The following STRN variants were observed in gnomAD, a reference collection of about 807,000 sequenced individuals.
The protein encoded by STRN is striatin.
A neutral mutation model predicts 96.3 loss-of-function variants in STRN; 53 were observed. The observed-to-expected ratio is 0.55, with a 90% CI of 0.44 to 0.69. The LOEUF (loss-of-function observed/expected upper bound fraction) is 0.69. Among genes scored for constraint, STRN ranks in the 30% least tolerant of loss-of-function variants. The probability of loss-of-function intolerance (pLI) is 0.00; values close to 1 mark genes in which losing one functional copy is unlikely to be tolerated. For missense variants in STRN, 987 were observed against 963.9 expected, an observed-to-expected ratio of 1.02 and a Z score of -0.32; for synonymous variants, 428 against 355.9, an observed-to-expected ratio of 1.20 and a Z score of -2.28.
At chr2:36,943,500 G>C (rs1030097531) in intron 1 of STRN, among the ~76,000 whole-genome samples, 3 of 151,920 alleles carry the variant, frequency 2.0e-5, no homozygotes, top group African/African-American at 7.2e-5. Context: ...CACAAAAACA[G>C]AAGACATAAA....
intron 3 of STRN, among the ~76,000 whole-genome samples, chr2:36,910,095 C>A (rs1414725733): frequency 4.0e-5 from 6 of 151,560 alleles, no homozygotes; most frequent in Non-Finnish European, 8.8e-5. Flanking sequence ...ATCGCTTGAA[C>A]CTGGGAGGCG....
At chr2:36,953,009 T>C (rs921567968) in intron 1 of STRN, among the ~76,000 whole-genome samples, 1 of 152,236 alleles carries the variant, frequency 6.6e-6, no homozygotes. Flanking sequence ...GGCATCACCG[T>C]TGTGGAATTT....
intron 1 of STRN, among the ~76,000 whole-genome samples, chr2:36,953,796 A>G (rs1184167101): frequency 6.6e-6 from 1 of 152,208 alleles, no homozygotes; most frequent in Non-Finnish European, 1.5e-5. Flanking sequence ...CACAGTTAAC[A>G]TATTATTCTG....
intron 2 of STRN, among the ~76,000 whole-genome samples, chr2:36,919,498 C>A (rs1443352255): frequency 6.6e-6 from 1 of 151,568 alleles, no homozygotes; most frequent in African/African-American, 2.4e-5. Context: ...AAAACACACA[C>A]AGTGGGTCAA....
chr2:36,899,503 G>A lies in STRN; in HGVS notation c.795+20C>T, dbSNP rs941209265. ...TATAGTCCCTAAAAATATTTATATTGTATGAGTTATCTAACTCACTGTTGA... is the reference window on the plus strand; with the variant it reads ...TATAGTCCCTAAAAATATTTATATTATATGAGTTATCTAACTCACTGTTGA... On this transcript the variant is annotated intron_variant, in intron 6 of 17. Transcript: ENST00000263918. 1 of 1,599,460 alleles carries A rather than the reference G, an allele frequency of 6.3e-7. No homozygotes were observed. The highest frequency in any genetic ancestry group is 2.2e-5 in the East Asian group (1 of 44,692).
At chr2:36,933,737 T>C (rs1277326535) in intron 1 of STRN, among the ~76,000 whole-genome samples, 1 of 152,150 alleles carries the variant, frequency 6.6e-6, no homozygotes, top group East Asian at 1.9e-4. Context: ...CTCGAGGAGC[T>C]GGGCCCACAG....
chr2:36,894,776 G>C (rs1000525813), intron 6 of STRN, among the ~76,000 whole-genome samples: 4 of 152,290 alleles, frequency 2.6e-5, no homozygotes, highest in African/African-American at 4.8e-5. Context: ...AATTATAAAA[G>C]TTTTACAGAC....
chr2:36,957,750 T>TTTG (rs1664928342), intron 1 of STRN, among the ~76,000 whole-genome samples: 1 of 77,668 alleles, frequency 1.3e-5, no homozygotes, highest in Non-Finnish European at 2.5e-5. Context: ...TTGTCTTTTT[T>TTTG]TTTTTTTTTT....
Position 36,844,074 on chromosome 2 carries a change from A to T in STRN, c.*5382T>A, listed in dbSNP as rs539446633. 3 of 152,264 alleles carry T rather than the reference A, an allele frequency of 2.0e-5. No individual in the cohort carries two copies. The highest frequency in any genetic ancestry group is 7.2e-5 in the African/African-American group (3 of 41,566). The allele number at this position is 152,264 out of a possible 1,614,324, so 9.4% of individuals were successfully genotyped here. ...TTGATGACACCCTGTGGTCAGCTCT[A>T]GTCAACTGAACTTGAGAAAACATAA... On this transcript the variant is annotated 3_prime_UTR_variant, in exon 18 of 18. Coordinates refer to ENST00000263918, the MANE Select transcript of STRN (RefSeq NM_003162.4).
intron 6 of STRN, among the ~76,000 whole-genome samples, chr2:36,897,445 A>ATTT (rs70946961): frequency 2.5e-4 from 37 of 149,790 alleles, no homozygotes; most frequent in East Asian, 3.9e-4. Context: ...ATATATATAT[A>ATTT]TTTTTTTTTT....
chr2:36,856,976 T>C (rs1192859844), intron 14 of STRN, among the ~76,000 whole-genome samples: 4 of 152,104 alleles, frequency 2.6e-5, no homozygotes, highest in Admixed American at 6.5e-5. Flanking sequence ...AAAGAAAAGT[T>C]GCTATGCTTC....
intron 7 of STRN, among the ~76,000 whole-genome samples, chr2:36,887,783 A>C (rs929769145): frequency 1.3e-5 from 2 of 152,252 alleles, no homozygotes; most frequent in African/African-American, 4.8e-5. Flanking sequence ...TCTAGTAGTA[A>C]AGAAAATCAA....
intron 12 of STRN, among the ~76,000 whole-genome samples, chr2:36,862,511 G>A (rs1268572774): frequency 2.0e-5 from 3 of 152,076 alleles, no homozygotes; most frequent in Non-Finnish European, 2.9e-5. Context: ...GTGTTGTTGA[G>A]CATTTTTTCC....
At chr2:36,895,978 C>T (rs1420280724) in intron 6 of STRN, among the ~76,000 whole-genome samples, 3 of 151,974 alleles carry the variant, frequency 2.0e-5, no homozygotes, top group African/African-American at 7.2e-5. Flanking sequence ...CAGGACACCC[C>T]AATTCTCAGA....
chr2:36,907,697 T>G (rs969245305), intron 3 of STRN, among the ~76,000 whole-genome samples: 7 of 152,228 alleles, frequency 4.6e-5, no homozygotes, highest in Non-Finnish European at 8.8e-5. Context: ...ATTTTCAGGT[T>G]TTTTAGTTAG....
chr2:36,860,605 T>C (rs1016805357), intron 13 of STRN, among the ~76,000 whole-genome samples: 2 of 152,196 alleles, frequency 1.3e-5, no homozygotes, highest in African/African-American at 4.8e-5. Flanking sequence ...TCATATCCAT[T>C]GATAGATTAT....
At chr2:36,881,193 T>G (rs1421562797) in intron 9 of STRN, among the ~76,000 whole-genome samples, 2 of 149,562 alleles carry the variant, frequency 1.3e-5, no homozygotes, top group African/African-American at 4.9e-5. Context: ...AGTGGTGTGA[T>G]GTCAGCTCAC....
intron 10 of STRN, among the ~76,000 whole-genome samples, chr2:36,874,722 A>C (rs984602854): frequency 6.7e-6 from 1 of 148,870 alleles, no homozygotes; most frequent in Non-Finnish European, 1.5e-5. Flanking sequence ...AGAGTTAAAA[A>C]AAAAAAAAAA....
intron 4 of STRN, among the ~76,000 whole-genome samples, chr2:36,904,450 T>TGA (rs979505436): frequency 2.0e-4 from 30 of 152,298 alleles, no homozygotes; most frequent in African/African-American, 7.0e-4. Flanking sequence ...ACTGAGCTGG[T>TGA]GAGTCTAGTC....
Sources: gnomAD v4.1 joint callset for allele counts (sites outside exome capture counted in the v4.1 genomes callset) on GRCh38, gnomAD v4.1.1 for gene constraint, MANE v1.5 for transcripts, NCBI Gene and HGNC (gene_info 2026-07-23, HGNC 2026-07-21) for gene names.